The following RSPH3 variants were observed in gnomAD, a reference collection of about 807,000 sequenced individuals.
The protein encoded by RSPH3 is radial spoke head protein 3 homolog.
Under a neutral mutation model 43.8 loss-of-function variants are expected in RSPH3, and 21 were observed. The observed-to-expected ratio is 0.48, with a 90% CI of 0.34 to 0.69. The LOEUF (loss-of-function observed/expected upper bound fraction) is 0.69, where lower values mean the gene tolerates loss of function less well. Among genes scored for constraint, RSPH3 ranks in the 30% least tolerant of loss-of-function variants. RSPH3 has a pLI of 0.01. For synonymous variants in RSPH3, 173 were observed against 179.8 expected, an observed-to-expected ratio of 0.96 and a Z score of 0.30; for missense variants, 487 against 516.0, an observed-to-expected ratio of 0.94 and a Z score of 0.54.
intron 1 of RSPH3, 139 bp from the exon 2 acceptor site, chr6:158,994,065 A>G (rs913617502): frequency 2.6e-5 from 14 of 537,160 alleles, no homozygotes; most frequent in African/African-American, 1.7e-4. Context: ...CCATAAAATA[A>G]GGAGGTAAAT....
At position 158,983,776 on chromosome 6, in the gene RSPH3, T is replaced by C. The variant is rs1749201128; in HGVS notation, c.378A>G (p.Ile126Met). Residue 126 changes from isoleucine (I) to methionine (M), a missense_variant, in exon 4 of 8, where the codon ATA (isoleucine) becomes ATG (methionine). By Grantham distance (10) the Ile-to-Met change is conservative. Coordinates refer to ENST00000367069, the MANE Select transcript of RSPH3 (RefSeq NM_031924.8). The part of the protein sequence containing the change: ...ELYLEEIADR[I>M]IEVDMECQTD... ...TTTGGCATTCCATATCAACTTCTATTATGCGATCAGCAATTTCTTCAAGGT... is the reference window on the plus strand; with the variant it reads ...TTTGGCATTCCATATCAACTTCTATCATGCGATCAGCAATTTCTTCAAGGT... 3 of 1,603,236 alleles carry C rather than the reference T, an allele frequency of 1.9e-6. No individual in the cohort carries two copies. Among genetic ancestry groups the C allele is most frequent in the Non-Finnish European group, 2.6e-6 (3 of 1,170,214 alleles).
intron 2 of RSPH3, among the ~76,000 whole-genome samples, chr6:158,993,398 G>A (rs1003246223): frequency 2.7e-5 from 4 of 150,262 alleles, no homozygotes; most frequent in African/African-American, 4.9e-5. Context: ...TTACAGGCGT[G>A]AGCCACCGCG....
At chr6:158,995,885 C>T (rs1027178973) in intron 1 of RSPH3, among the ~76,000 whole-genome samples, 2 of 152,158 alleles carry the variant, frequency 1.3e-5, no homozygotes, top group African/African-American at 4.8e-5. Flanking sequence ...AGGCGTGAGC[C>T]ACCGTGCCCA....
chr6:158,964,575 G>T, the RSPH3 span, among the ~76,000 whole-genome samples: 2,708 of 152,192 alleles, frequency 0.018, 33 homozygotes, highest in Middle Eastern at 0.024. Flanking sequence ...AATGACTAAT[G>T]TTATTGAACA....
downstream of RSPH3, among the ~76,000 whole-genome samples, chr6:158,968,931 A>G (rs1396215221): frequency 1.3e-5 from 2 of 152,138 alleles, no homozygotes; most frequent in Non-Finnish European, 2.9e-5. Context: ...GGATGGTCTC[A>G]ATCTCATGAC....
chr6:158,985,532 A>G (rs1778198882), intron 3 of RSPH3, among the ~76,000 whole-genome samples: 1 of 152,092 alleles, frequency 6.6e-6, no homozygotes, highest in Admixed American at 6.6e-5. Flanking sequence ...CTGGGCACAT[A>G]TGATCCTTCT....
downstream of RSPH3, among the ~76,000 whole-genome samples, chr6:158,970,909 T>C (rs1777688298): frequency 6.6e-6 from 1 of 152,170 alleles, no homozygotes; most frequent in Admixed American, 6.6e-5. Flanking sequence ...TTTCAATTTT[T>C]TTTTGCCAGT....
In RSPH3 at chr6:158,977,577, T is replaced by C. The variant is rs770469742; in HGVS notation, c.1218A>G (p.Thr406=). 7.3e-5 allele frequency: 117 copies of C among 1,613,644 alleles called. No individual in the cohort carries two copies. The highest frequency in any genetic ancestry group is 9.6e-5 in the Non-Finnish European group (113 of 1,179,974). ...CCTCCCCTAAGGACTTCCTCATTGC[T>C]GTTTCTTCATCTTGCCCTAAGAGTT... ...ERELLGQDEE[T]AMRKSLGEEE... Residue 406 remains threonine, a synonymous_variant, in exon 8 of 8, where the codon ACA becomes ACG. Coordinates refer to ENST00000367069, the MANE Select transcript of RSPH3 (RefSeq NM_031924.8).
intron 1 of RSPH3, among the ~76,000 whole-genome samples, chr6:158,995,755 C>T (rs6919974): frequency 0.022 from 3,329 of 149,142 alleles, 108 homozygotes; most frequent in African/African-American, 0.077. Context: ...CCACCACGCC[C>T]GGCTCATTTT....
chr6:158,968,582 G>A (rs1350303237), downstream of RSPH3, among the ~76,000 whole-genome samples: 1 of 151,582 alleles, frequency 6.6e-6, no homozygotes, highest in African/African-American at 2.4e-5. Flanking sequence ...GCTGCTCTGG[G>A]GATTACAATT....
chr6:158,963,384 C>T, the RSPH3 span, among the ~76,000 whole-genome samples: 1 of 138,028 alleles, frequency 7.2e-6, no homozygotes, highest in African/African-American at 2.7e-5. Context: ...CACAGTCTTC[C>T]TTCCTTCCTC....
intron 3 of RSPH3, among the ~76,000 whole-genome samples, chr6:158,984,345 G>C (rs947379486): frequency 6.0e-5 from 9 of 149,182 alleles, no homozygotes; most frequent in African/African-American, 2.2e-4. Context: ...AGAAAGCACT[G>C]AGCTTTGTAT....
chr6:158,980,432 A>AC (rs1473740672), intron 6 of RSPH3, among the ~76,000 whole-genome samples: 4 of 151,604 alleles, frequency 2.6e-5, no homozygotes, highest in African/African-American at 9.7e-5. Flanking sequence ...CTGTCTCAAA[A>AC]AAAAAAAAAA....
At chr6:158,983,288 A>G (rs889215596) in intron 4 of RSPH3, among the ~76,000 whole-genome samples, 2 of 152,196 alleles carry the variant, frequency 1.3e-5, no homozygotes, top group Non-Finnish European at 2.9e-5. Flanking sequence ...ATATCTTTAC[A>G]AAAGTTAAAT....
In RSPH3 at chr6:158,975,442, T is replaced by G. The variant is rs1422212685; in HGVS notation, c.*2096A>C. Reference sequence around the variant, plus strand: ...CAGATTAGAAGTAAGGAGATTTGGATTCCAGCTTTAGTCCTATTCCCTACT... The same window carrying G: ...CAGATTAGAAGTAAGGAGATTTGGAGTCCAGCTTTAGTCCTATTCCCTACT... On this transcript the variant is annotated 3_prime_UTR_variant, in exon 8 of 8. Coordinates refer to ENST00000367069, the MANE Select transcript of RSPH3 (RefSeq NM_031924.8). 2.0e-5 allele frequency: 3 copies of G among 152,228 alleles called. No homozygotes were observed. The highest frequency in any genetic ancestry group is 7.2e-5 in the African/African-American group (3 of 41,456). The allele number at this position is 152,228 out of a possible 1,614,324, so 9.4% of individuals were successfully genotyped here. A position where few individuals can be genotyped will look rare whatever the true frequency, so the allele number is the denominator to read the frequency against.
chr6:158,999,283 G>T (rs1324095902), intron 1 of RSPH3, 152 bp downstream of exon 1: 8,235 of 648,032 alleles, frequency 0.013, 97 homozygotes, highest in Admixed American at 0.02. Context: ...TCCACACCAC[G>T]GGAGATTCCT....
At chr6:158,992,701 T>TA (rs1156693408) in intron 2 of RSPH3, among the ~76,000 whole-genome samples, 1 of 152,216 alleles carries the variant, frequency 6.6e-6, no homozygotes, top group East Asian at 1.9e-4. Context: ...AACCTCATCC[T>TA]AAGTGGAGGA....
chr6:158,971,376 T>A (rs1376187306), downstream of RSPH3, among the ~76,000 whole-genome samples: 1 of 152,248 alleles, frequency 6.6e-6, no homozygotes, highest in African/African-American at 2.4e-5. Flanking sequence ...CTGGCCTGCA[T>A]TCACATTGCT....
rs1777902945 is a variant in RSPH3 at position 158,977,849 on chromosome 6, C to T, written c.947-1G>A. 6.3e-7 allele frequency: 1 copy of T among 1,598,668 alleles called. No homozygotes were observed. Among genetic ancestry groups the T allele is most frequent in the Admixed American group, 1.8e-5 (1 of 55,490 alleles). ...TTTTCAACCACCTCACGGATCAACA[C>T]TGAAAAGTTAAATGTTCAGACATCA... On this transcript the variant is annotated splice_acceptor_variant, in intron 7 of 7. Coordinates refer to ENST00000367069, the MANE Select transcript of RSPH3 (RefSeq NM_031924.8). LOFTEE classifies it high-confidence loss of function.
Sources: allele counts gnomAD v4.1 joint callset (sites outside exome capture counted in the v4.1 genomes callset), GRCh38; gene constraint gnomAD v4.1.1; transcripts MANE v1.5; gene names NCBI Gene and HGNC (gene_info 2026-07-23, HGNC 2026-07-21).